ASPH: variants seen among roughly 807,000 people sequenced by gnomAD.
ASPH encodes aspartyl/asparaginyl beta-hydroxylase.
Under a neutral mutation model 118.4 loss-of-function variants are expected in ASPH, and 100 were observed. That is an observed-to-expected ratio of 0.84 (90% CI 0.72 to 1.00). The LOEUF (loss-of-function observed/expected upper bound fraction) is 1.00, where lower values mean the gene tolerates loss of function less well. ASPH is among the 50% of genes least tolerant of loss of function. The pLI is 0.00. For missense variants in ASPH, 920 were observed against 919.5 expected (o/e 1.00, Z -0.01); for synonymous variants, 315 against 325.6 (o/e 0.97, Z 0.35).
At chr8:61,625,998 CA>C (rs1852626699) in intron 13 of ASPH, 1 of 1,193,694 alleles carries the variant, frequency 8.4e-7, no homozygotes, top group Admixed American at 4.4e-5. Context: ...AGCTGTCTCA[CA>C]AAAAGAAAAA....
At chr8:61,633,922 A>T (rs552555308) in intron 12 of ASPH, among the ~76,000 whole-genome samples, 195 bp from the exon 13 acceptor site, 14 of 152,190 alleles carry the variant, frequency 9.2e-5, no homozygotes, top group African/African-American at 3.4e-4. Context: ...AATGTTGTGT[A>T]TTTCTCAACG....
intron 4 of ASPH, among the ~76,000 whole-genome samples, chr8:61,652,848 G>GA (rs977339840): frequency 1.3e-5 from 2 of 151,560 alleles, no homozygotes; most frequent in Non-Finnish European, 1.5e-5. Context: ...GGCCTTAAAG[G>GA]AAAAAAAATC....
At chr8:61,515,853 C>T (rs16927444) in intron 24 of ASPH, among the ~76,000 whole-genome samples, 81,229 of 151,886 alleles carry the variant, frequency 0.53, 25,619 homozygotes, top group Non-Finnish European at 0.7. Flanking sequence ...GCTCTCTAGT[C>T]TCCATTTCTT....
intron 3 of ASPH, among the ~76,000 whole-genome samples, chr8:61,673,669 CAA>C (rs1030637423): frequency 9.2e-5 from 14 of 152,098 alleles, no homozygotes; most frequent in Non-Finnish European, 1.9e-4. Context: ...TATTATGAAA[CAA>C]AGTCAGAAAA....
chr8:61,522,941 G>A (rs1813675327), intron 22 of ASPH, among the ~76,000 whole-genome samples: 1 of 152,084 alleles, frequency 6.6e-6, no homozygotes, highest in African/African-American at 2.4e-5. Context: ...GTCACACTGG[G>A]GGTTAGGGCT....
At chr8:61,677,633 G>C (rs1184095582) in intron 3 of ASPH, among the ~76,000 whole-genome samples, 1 of 152,102 alleles carries the variant, frequency 6.6e-6, no homozygotes, top group African/African-American at 2.4e-5. Context: ...AATTGCAGTT[G>C]GTATTTAAAT....
chr8:61,578,776 A>G (rs878980534), intron 15 of ASPH: 169 of 1,530,042 alleles, frequency 1.1e-4, no homozygotes, highest in South Asian at 4.0e-4. Flanking sequence ...ATCAATAAGC[A>G]TACAGAGATG....
chr8:61,710,783 G>A (rs1032269517), intron 1 of ASPH, among the ~76,000 whole-genome samples: 21 of 152,256 alleles, frequency 1.4e-4, no homozygotes, highest in African/African-American at 5.1e-4. Context: ...TCATTCAAGG[G>A]CTCCACAATG....
intron 18 of ASPH, among the ~76,000 whole-genome samples, chr8:61,557,007 G>A (rs889372234): frequency 2.0e-5 from 3 of 152,158 alleles, no homozygotes; most frequent in African/African-American, 7.2e-5. Context: ...GAACCTCATC[G>A]ATTAGCAAAT....
At chr8:61,543,865 C>T (rs1822844237) in intron 21 of ASPH, among the ~76,000 whole-genome samples, 1 of 152,118 alleles carries the variant, frequency 6.6e-6, no homozygotes, top group Admixed American at 6.6e-5. Context: ...TGCCTGTAGC[C>T]TTACCTGTAG....
At chr8:61,524,461 T>C (rs1375293324) in intron 22 of ASPH, among the ~76,000 whole-genome samples, 1 of 152,208 alleles carries the variant, frequency 6.6e-6, no homozygotes, top group Non-Finnish European at 1.5e-5. Flanking sequence ...AATAATTTTA[T>C]GAGTTTTTTA....
intron 5 of ASPH, 33 bp downstream of exon 5, chr8:61,651,017 A>G: frequency 3.2e-6 from 5 of 1,565,502 alleles, no homozygotes; most frequent in Non-Finnish European, 4.4e-6. Flanking sequence ...TTATTTTAGT[A>G]ACTCAAAACA....
Position 61,503,518 on chromosome 8 carries a change from G to A in ASPH, c.2127-9C>T. ...TGCCTTCCTCCCAGGTCCTGCAGCAGAAAGACAAGGATTCCTGAATATAGT... is the reference window on the plus strand; with the variant it reads ...TGCCTTCCTCCCAGGTCCTGCAGCAAAAAGACAAGGATTCCTGAATATAGT... On this transcript the variant is annotated splice_polypyrimidine_tract_variant and intron_variant, in intron 24 of 24. Transcript: ENST00000379454. 1 of 1,606,452 alleles carries A rather than the reference G, an allele frequency of 6.2e-7. No individual in the cohort carries two copies. The highest frequency in any genetic ancestry group is 8.5e-7 in the Non-Finnish European group (1 of 1,175,636).
chr8:61,655,713 A>T (rs541232631), intron 3 of ASPH, among the ~76,000 whole-genome samples: 1 of 152,336 alleles, frequency 6.6e-6, no homozygotes, highest in Non-Finnish European at 1.5e-5. Flanking sequence ...TAAAATTGAA[A>T]TTGCAAAACA....
At position 61,609,010 on chromosome 8, in the gene ASPH, G is replaced by A. The variant is rs571670374; in HGVS notation, c.976+9968C>T. Among the ~76,000 whole-genome samples, 67 of 152,286 alleles carry A rather than the reference G, an allele frequency of 4.4e-4. 1 individual carries two copies. The highest frequency in any genetic ancestry group is 1.3e-3 in the African/African-American group (52 of 41,560). On this transcript the variant is annotated intron_variant, in intron 14 of 24. Coordinates refer to ENST00000379454, the MANE Select transcript of ASPH (RefSeq NM_004318.4). ...TTTGGGTGCATCACTGGTTTCAATA[G>A]CAGTTAATTATCCGTACATTAGCTT...
At chr8:61,602,143 A>G (rs1844172633) in intron 14 of ASPH, among the ~76,000 whole-genome samples, 1 of 151,368 alleles carries the variant, frequency 6.6e-6, no homozygotes, top group Non-Finnish European at 1.5e-5. Flanking sequence ...TCAGAAAAAG[A>G]TACTACATGA....
intron 14 of ASPH, among the ~76,000 whole-genome samples, chr8:61,586,150 T>C (rs929122617): frequency 6.6e-6 from 1 of 152,168 alleles, no homozygotes; most frequent in African/African-American, 2.4e-5. Flanking sequence ...CCAGTGTTCT[T>C]CCTTATTCTC....
chr8:61,507,898 T>C (rs944428343), intron 24 of ASPH, among the ~76,000 whole-genome samples: 1 of 152,228 alleles, frequency 6.6e-6, no homozygotes, highest in African/African-American at 2.4e-5. Flanking sequence ...TGTTACAGCC[T>C]TGTCTAAGGA....
At chr8:61,576,938 G>A (rs1835347631) in intron 15 of ASPH, 80 bp from the exon 16 acceptor site, 2 of 1,263,422 alleles carry the variant, frequency 1.6e-6, no homozygotes, top group Admixed American at 4.4e-5. Flanking sequence ...TATTCAGCAA[G>A]TGGTTTTGTC....
Sources: allele counts gnomAD v4.1 joint callset (sites outside exome capture counted in the v4.1 genomes callset), GRCh38; gene constraint gnomAD v4.1.1; transcripts MANE v1.5; gene names NCBI Gene and HGNC (gene_info 2026-07-23, HGNC 2026-07-21).